The following CCDC171 variants were observed in gnomAD, a reference collection of about 807,000 sequenced individuals.
The protein encoded by CCDC171 is coiled-coil domain-containing protein 171.
In CCDC171, 177 loss-of-function variants were observed where a neutral mutation model predicts 168.2. That is an observed-to-expected ratio of 1.05 (90% CI 0.93 to 1.19). The LOEUF (loss-of-function observed/expected upper bound fraction) is 1.19, where lower values mean the gene tolerates loss of function less well. Ranked by LOEUF, CCDC171 falls within the 50% of genes most tolerant of loss-of-function variation. The probability of loss-of-function intolerance (pLI) is 0.00; values close to 1 mark genes in which losing one functional copy is unlikely to be tolerated. For synonymous variants in CCDC171, 687 were observed against 540.8 expected (o/e 1.27, Z -3.75); for missense variants, 1,991 against 1,539.0 (o/e 1.29, Z -4.91).
At chr9:15,639,462 T>C (rs1432380120) in intron 7 of CCDC171, among the ~76,000 whole-genome samples, 2 of 152,136 alleles carry the variant, frequency 1.3e-5, no homozygotes, top group Non-Finnish European at 2.9e-5. Flanking sequence ...CCACAAATTC[T>C]GTTCCTGATA....
chr9:15,965,918 C>G, intron 25 of CCDC171, among the ~76,000 whole-genome samples: 1 of 152,088 alleles, frequency 6.6e-6, no homozygotes, highest in East Asian at 1.9e-4. Context: ...AATCTAATTG[C>G]GACATAATCT....
intron 16 of CCDC171, among the ~76,000 whole-genome samples, chr9:15,740,037 C>T (rs1473076164): frequency 6.6e-6 from 1 of 151,854 alleles, no homozygotes; most frequent in Non-Finnish European, 1.5e-5. Flanking sequence ...GTGCCTGGCC[C>T]TCCAATGTGT....
intron 1 of CCDC171, among the ~76,000 whole-genome samples, chr9:16,046,596 G>C (rs1833664840): frequency 6.6e-6 from 1 of 152,162 alleles, no homozygotes; most frequent in Non-Finnish European, 1.5e-5. Context: ...CATGTGTTAT[G>C]GGAGGGACCG....
At chr9:16,074,446 C>T in the CCDC171 span, among the ~76,000 whole-genome samples, 1 of 152,126 alleles carries the variant, frequency 6.6e-6, no homozygotes, top group African/African-American at 2.4e-5. Context: ...TTTACAAATA[C>T]TTTTTTTGGA....
chr9:15,787,313 C>G lies in CCDC171; in HGVS notation c.3267+2619C>G, dbSNP rs374813307. On this transcript the variant is annotated intron_variant, in intron 21 of 25. Transcript: ENST00000380701. ...ACTCACCTTGCTGTGCAATAGATCA[C>G]CAAAATTTATTCTTTCTGTCTAGCT... 3.3e-5 allele frequency among the ~76,000 whole-genome samples: 5 copies of G among 152,012 alleles called. No individual in the cohort carries two copies. In the East Asian group the frequency reaches 5.8e-4, roughly 18 times the overall value.
intron 23 of CCDC171, among the ~76,000 whole-genome samples, chr9:15,856,064 G>A (rs2061338521): frequency 1.3e-5 from 2 of 151,670 alleles, no homozygotes; most frequent in Admixed American, 6.6e-5. Flanking sequence ...TTTCATTTCA[G>A]GACTCCCTTT....
intron 3 of CCDC171, among the ~76,000 whole-genome samples, chr9:16,014,078 A>G (rs1034938914): frequency 1.3e-5 from 2 of 150,830 alleles, no homozygotes; most frequent in African/African-American, 2.4e-5. Context: ...GTGTGATAGC[A>G]TTTTACACAT....
chr9:16,081,678 C>T, the CCDC171 span, among the ~76,000 whole-genome samples: 4 of 152,066 alleles, frequency 2.6e-5, no homozygotes, highest in Non-Finnish European at 5.9e-5. Context: ...ATTGTTTGCA[C>T]CTCTGTGGGT....
In CCDC171 at chr9:15,749,467, C is replaced by T. The variant is rs563786197; in HGVS notation, c.2671+3836C>T. On this transcript the variant is annotated intron_variant, in intron 18 of 25. Coordinates refer to ENST00000380701, the MANE Select transcript of CCDC171 (RefSeq NM_173550.4). ...GACTTGAACTGAGCTCTGGACCAAGCGGACCTAATAGACATCTACAGAACT... is the reference window on the plus strand; with the variant it reads ...GACTTGAACTGAGCTCTGGACCAAGTGGACCTAATAGACATCTACAGAACT... Among the ~76,000 whole-genome samples the T allele has an allele frequency of 1.1e-4, 17 of 152,266 alleles. 1 individual carries two copies. The highest frequency in any genetic ancestry group is 6.2e-4 in the South Asian group (3 of 4,824).
At chr9:15,993,882 A>G (rs1372142694) in intron 3 of CCDC171, among the ~76,000 whole-genome samples, 1 of 152,200 alleles carries the variant, frequency 6.6e-6, no homozygotes, top group African/African-American at 2.4e-5. Flanking sequence ...CGAAACCACA[A>G]TGAGATACCA....
intron 2 of CCDC171, 25 bp from the exon 3 acceptor site, chr9:15,571,599 A>G: frequency 1.3e-6 from 2 of 1,505,716 alleles, no homozygotes; most frequent in Non-Finnish European, 1.8e-6. Flanking sequence ...AAGCATATAC[A>G]TTTTACTGTA....
intron 24 of CCDC171, among the ~76,000 whole-genome samples, chr9:15,910,915 A>G (rs1823534472): frequency 6.6e-6 from 1 of 152,170 alleles, no homozygotes; most frequent in Non-Finnish European, 1.5e-5. Flanking sequence ...CATGGTGTAT[A>G]TGTGCCACAT....
chr9:15,569,846 C>CAAAAACA (rs1554680996), intron 2 of CCDC171, among the ~76,000 whole-genome samples: 3 of 139,726 alleles, frequency 2.1e-5, no homozygotes, highest in South Asian at 2.2e-4. Context: ...AACAAACAAA[C>CAAAAACA]AAAAAAAAAA....
At chr9:15,613,389 T>TA (rs533458866) in intron 6 of CCDC171, among the ~76,000 whole-genome samples, 95 of 152,072 alleles carry the variant, frequency 6.2e-4, no homozygotes, top group African/African-American at 1.0e-3. Flanking sequence ...ATATTTCTGG[T>TA]AAAAAAAATC....
intron 3 of CCDC171, among the ~76,000 whole-genome samples, chr9:15,999,504 G>A (rs776149975): frequency 2.0e-5 from 3 of 152,066 alleles, no homozygotes; most frequent in Non-Finnish European, 4.4e-5. Flanking sequence ...TGAAGCACCC[G>A]CACGCAGCTC....
intron 23 of CCDC171, among the ~76,000 whole-genome samples, chr9:15,866,515 G>A (rs1409639711): frequency 6.6e-6 from 1 of 151,990 alleles, no homozygotes; most frequent in Non-Finnish European, 1.5e-5. Flanking sequence ...AATACAGAAA[G>A]CAGCCTTTTT....
At chr9:15,773,148 ATGT>A (rs1564379341) in intron 18 of CCDC171, among the ~76,000 whole-genome samples, 1 of 152,286 alleles carries the variant, frequency 6.6e-6, no homozygotes, top group Non-Finnish European at 1.5e-5. Context: ...ATAAGAAAAA[ATGT>A]TGTAGATTGC....
At chr9:15,934,597 C>T (rs1273874885) in intron 25 of CCDC171, among the ~76,000 whole-genome samples, 1 of 151,824 alleles carries the variant, frequency 6.6e-6, no homozygotes, top group East Asian at 1.9e-4. Flanking sequence ...GAAAATGATT[C>T]CTCAATAAGT....
intron 21 of CCDC171, 31 bp downstream of exon 21, chr9:15,784,725 G>A (rs748235358): frequency 3.3e-6 from 5 of 1,521,126 alleles, no homozygotes; most frequent in Non-Finnish European, 4.5e-6. Flanking sequence ...TTGCATAAAG[G>A]GATATTTTAT....
Sources: gnomAD v4.1 joint callset for allele counts (sites outside exome capture counted in the v4.1 genomes callset) on GRCh38, gnomAD v4.1.1 for gene constraint, MANE v1.5 for transcripts, NCBI Gene and HGNC (gene_info 2026-07-23, HGNC 2026-07-21) for gene names.